Variants in KIF13A observed in about 807,000 individuals in gnomAD.
KIF13A encodes the protein kinesin-like protein KIF13A.
KIF13A carries 79 observed loss-of-function variants against 212.2 expected under a neutral mutation model. That is an observed-to-expected ratio of 0.37 (90% CI 0.31 to 0.45). KIF13A has a LOEUF of 0.45. Among genes scored for constraint, KIF13A ranks in the 20% least tolerant of loss-of-function variants. The pLI is 1.00. For synonymous variants in KIF13A, 789 were observed against 808.6 expected, an observed-to-expected ratio of 0.98 and a Z score of 0.41; for missense variants, 1,901 against 2,209.0, an observed-to-expected ratio of 0.86 and a Z score of 2.79.
chr6:17,880,658 C>A (rs57319448), intron 3 of KIF13A, among the ~76,000 whole-genome samples: 1 of 146,862 alleles, frequency 6.8e-6, no homozygotes, highest in East Asian at 2.0e-4. Flanking sequence ...AAAGGTCTTG[C>A]TCTGTTGTCC....
chr6:17,970,042 C>T (rs1001184093), intron 2 of KIF13A, among the ~76,000 whole-genome samples: 1 of 151,952 alleles, frequency 6.6e-6, no homozygotes, highest in Non-Finnish European at 1.5e-5. Context: ...CCTGCCTCAG[C>T]CCCGCAAGTA....
intron 2 of KIF13A, among the ~76,000 whole-genome samples, chr6:17,920,873 C>CAAA (rs10707103): frequency 7.4e-6 from 1 of 135,116 alleles, no homozygotes. Context: ...GACTATGTCT[C>CAAA]AAAAAAAAAA....
At chr6:17,966,810 ATATC>A (rs751721640) in intron 2 of KIF13A, among the ~76,000 whole-genome samples, 2 of 152,180 alleles carry the variant, frequency 1.3e-5, no homozygotes, top group African/African-American at 2.4e-5. Flanking sequence ...ACTAAGAAAA[ATATC>A]TAACATTTTT....
chr6:17,848,029 C>T (rs1329798551), intron 9 of KIF13A, among the ~76,000 whole-genome samples: 1 of 152,030 alleles, frequency 6.6e-6, no homozygotes. Flanking sequence ...CCAGGCTGGT[C>T]TCAAATTCCT....
rs1296212067 is a variant in KIF13A, at chr6:17,800,151, C to T, written c.2455-38G>A. ...ACCAGAGCACCTTAGAGTGAACAGA[C>T]ATCCTGTGGGCAACCTCGACCCAAG... On this transcript the variant is annotated intron_variant, in intron 20 of 38. Transcript: ENST00000259711. 13 of 1,595,460 alleles carry T rather than the reference C, an allele frequency of 8.1e-6. No homozygotes were observed. In the Admixed American group the frequency reaches 1.9e-4, roughly 23 times the overall value.
intron 16 of KIF13A, among the ~76,000 whole-genome samples, chr6:17,823,432 CCCTG>C (rs1764651453): frequency 1.3e-5 from 2 of 149,068 alleles, no homozygotes; most frequent in Non-Finnish European, 3.0e-5. Context: ...ACTTCCCCCT[CCCTG>C]CCTTCCTCCC....
intron 17 of KIF13A, among the ~76,000 whole-genome samples, chr6:17,814,781 T>C (rs1317195819): frequency 1.3e-5 from 2 of 152,224 alleles, no homozygotes; most frequent in Non-Finnish European, 2.9e-5. Context: ...AAGTCTTCAA[T>C]AGCCTATTGT....
Position 17,772,312 on chromosome 6 carries a change from G to C in KIF13A, c.4325-253C>G, listed in dbSNP as rs1184377815. On this transcript the variant is annotated intron_variant, in intron 36 of 38. Transcript: ENST00000259711. This position sits in a 1 kb window ranked among gnomAD's most constrained non-coding sequence, Gnocchi z 4.8. ...TTGTACTTGCTACTCAGGAGGCTGA[G>C]GCGAGAAGATCGCTTGAGCCCCAGG... 6.6e-6 allele frequency among the ~76,000 whole-genome samples: 1 copy of C among 152,146 alleles called. No homozygotes were observed. The highest frequency in any genetic ancestry group is 1.5e-5 in the Non-Finnish European group (1 of 68,022).
At chr6:17,812,315 G>GA (rs1554169760) in intron 17 of KIF13A, 1 of 150,116 alleles carries the variant, frequency 6.7e-6, no homozygotes, top group Non-Finnish European at 1.5e-5. Context: ...GCAGGTTTTT[G>GA]TTTTTTTTTC....
rs78106036 is a variant in KIF13A at position 17,914,650 on chromosome 6, G to A, written c.147-16470C>T. Reference sequence around the variant, plus strand: ...CTCTAGTCACGGGTCACAGGCATCAGGTAAAGTGTGTGGCAGGGTCTCTGT... The same window carrying A: ...CTCTAGTCACGGGTCACAGGCATCAAGTAAAGTGTGTGGCAGGGTCTCTGT... On this transcript the variant is annotated intron_variant, in intron 2 of 38. Coordinates refer to ENST00000259711, the MANE Select transcript of KIF13A (RefSeq NM_022113.6). This position sits in a 1 kb window ranked among gnomAD's most constrained non-coding sequence, Gnocchi z 5.9. Among the ~76,000 whole-genome samples, 914 of 152,266 alleles carry A rather than the reference G, an allele frequency of 6.0e-3. 6 individuals carry two copies. Among genetic ancestry groups the A allele is most frequent in the Non-Finnish European group, 9.7e-3 (660 of 68,020 alleles).
At chr6:17,945,354 G>A (rs573740386) in intron 2 of KIF13A, among the ~76,000 whole-genome samples, 1 of 152,222 alleles carries the variant, frequency 6.6e-6, no homozygotes, top group East Asian at 1.9e-4. Flanking sequence ...GCAGCCCTTG[G>A]GGATGTTAGT....
intron 13 of KIF13A, 106 bp downstream of exon 13, chr6:17,830,995 C>T (rs1765397799): frequency 5.7e-6 from 6 of 1,044,746 alleles, no homozygotes; most frequent in Non-Finnish European, 8.4e-6. Flanking sequence ...TTACTGAGGG[C>T]TAAGCTGGAT....
rs763260239 is a variant in KIF13A at position 17,892,601 on chromosome 6, G to C, written c.159+5567C>G. ...TACCAGAAAGACCAAGGCAGGATTAGAGGGTTGGAACATTTAGCCCAATTC... is the reference window on the plus strand; with the variant it reads ...TACCAGAAAGACCAAGGCAGGATTACAGGGTTGGAACATTTAGCCCAATTC... On this transcript the variant is annotated intron_variant, in intron 3 of 38. Coordinates refer to ENST00000259711, the MANE Select transcript of KIF13A (RefSeq NM_022113.6). The surrounding 1 kb of genome is among the most constrained non-coding windows in gnomAD (Gnocchi z 4.7). 1.3e-5 allele frequency among the ~76,000 whole-genome samples: 2 copies of C among 152,348 alleles called. No individual in the cohort carries two copies. The highest frequency in any genetic ancestry group is 1.9e-4 in the East Asian group (1 of 5,194).
rs1354130642 is a variant in KIF13A at position 17,809,645 on chromosome 6, C to T, written c.2001-715G>A. 6.6e-6 allele frequency among the ~76,000 whole-genome samples: 1 copy of T among 152,152 alleles called. No homozygotes were observed. The highest frequency in any genetic ancestry group is 1.5e-5 in the Non-Finnish European group (1 of 68,034). On this transcript the variant is annotated intron_variant, in intron 17 of 38. Coordinates refer to ENST00000259711, the MANE Select transcript of KIF13A (RefSeq NM_022113.6). This position sits in a 1 kb window ranked among gnomAD's most constrained non-coding sequence, Gnocchi z 4.7. ...TTGCTTGCACTACCCTAGCTCCTGG[C>T]CAAGTGCATGACCCATCGTAGGATA...
At chr6:17,938,975 TAA>T (rs1222682847) in intron 2 of KIF13A, among the ~76,000 whole-genome samples, 1 of 152,154 alleles carries the variant, frequency 6.6e-6, no homozygotes, top group Non-Finnish European at 1.5e-5. Context: ...CCCATGATGG[TAA>T]AGAGATGAGT....
intron 12 of KIF13A, among the ~76,000 whole-genome samples, chr6:17,831,689 A>G (rs987137453): frequency 1.4e-5 from 2 of 148,042 alleles, no homozygotes; most frequent in Non-Finnish European, 3.0e-5. Context: ...TGGCATACGG[A>G]AGCACACTAA....
chr6:17,957,492 T>C (rs1390693692), intron 2 of KIF13A, among the ~76,000 whole-genome samples: 2 of 152,220 alleles, frequency 1.3e-5, no homozygotes, highest in Non-Finnish European at 2.9e-5. Flanking sequence ...CCCTGAGTTC[T>C]GTGAGCCTCT....
At chr6:17,804,910 C>T (rs573486169) in intron 19 of KIF13A, among the ~76,000 whole-genome samples, 2 of 145,598 alleles carry the variant, frequency 1.4e-5, no homozygotes, top group African/African-American at 5.0e-5. Context: ...GAAGATTCCT[C>T]TTCAGTTCCT....
In KIF13A at chr6:17,799,181, C is replaced by T. The variant is rs1383387761; in HGVS notation, c.2790+85G>A. On this transcript the variant is annotated intron_variant, in intron 22 of 38. Coordinates refer to ENST00000259711, the MANE Select transcript of KIF13A (RefSeq NM_022113.6). This position sits in a 1 kb window ranked among gnomAD's most constrained non-coding sequence, Gnocchi z 4.4. ...TCTAATAAACATATTATACTTAAAACAAATGCTTGTGGGGACAACTGATTG... is the reference window on the plus strand; with the variant it reads ...TCTAATAAACATATTATACTTAAAATAAATGCTTGTGGGGACAACTGATTG... 6 of 914,112 alleles carry T rather than the reference C, an allele frequency of 6.6e-6. No individual in the cohort carries two copies. The African/African-American group carries it at 9.9e-5, about 15-fold the overall frequency. 56.6% of individuals were successfully genotyped at this position (914,112 alleles called of 1,614,324 possible).
Sources: allele counts gnomAD v4.1 joint callset (sites outside exome capture counted in the v4.1 genomes callset), GRCh38; gene constraint gnomAD v4.1.1; non-coding constraint Gnocchi (gnomAD v3.1); transcripts MANE v1.5; gene names NCBI Gene and HGNC (gene_info 2026-07-23, HGNC 2026-07-21).